Variants in FBN2 observed in about 807,000 individuals in gnomAD.
The protein encoded by FBN2 is fibrillin-2.
FBN2 carries 105 observed loss-of-function variants against 355.6 expected under a neutral mutation model. The ratio of observed to expected loss-of-function variants is 0.30; its 90% CI spans 0.25 to 0.35. The LOEUF (loss-of-function observed/expected upper bound fraction) is 0.35, where lower values mean the gene tolerates loss of function less well. Ranked by LOEUF, FBN2 falls within the 10% of genes least tolerant of loss-of-function variation. FBN2 has a pLI of 1.00. For synonymous variants in FBN2, 1,350 were observed against 1,301.2 expected (o/e 1.04, Z -0.81); for missense variants, 3,280 against 3,758.7 (o/e 0.87, Z 3.33).
rs897031726 is a variant in FBN2 at position 128,520,255 on chromosome 5, G to A, written c.533-887C>T. 2.6e-5 allele frequency among the ~76,000 whole-genome samples: 4 copies of A among 152,232 alleles called. 1 individual carries two copies. The highest frequency in any genetic ancestry group is 9.6e-5 in the African/African-American group (4 of 41,538). ...CACTGCAACTCGGTTCAGCCTAAAAGATCACACTCTCTAGAATCCTTGGAA... is the reference window on the plus strand; with the variant it reads ...CACTGCAACTCGGTTCAGCCTAAAAAATCACACTCTCTAGAATCCTTGGAA... On this transcript the variant is annotated intron_variant, in intron 4 of 64. Transcript: ENST00000262464.
chr5:128,288,394 T>A, intron 53 of FBN2, 44 bp downstream of exon 53: 1 of 1,604,852 alleles, frequency 6.2e-7, no homozygotes, highest in East Asian at 2.2e-5. Flanking sequence ...AAAAAACACT[T>A]TCTATGTCAA....
intron 61 of FBN2, among the ~76,000 whole-genome samples, chr5:128,273,562 A>C (rs1380189352): frequency 6.6e-6 from 1 of 152,144 alleles, no homozygotes; most frequent in African/African-American, 2.4e-5. Context: ...TTAGGCACAG[A>C]ATTCTTTTTC....
intron 6 of FBN2, among the ~76,000 whole-genome samples, chr5:128,451,260 AT>A (rs1754236295): frequency 6.6e-6 from 1 of 152,214 alleles, no homozygotes; most frequent in Admixed American, 6.5e-5. Flanking sequence ...TTTGTACTGA[AT>A]TAAAGTAGAT....
In FBN2 at chr5:128,408,662, T is replaced by C. The variant is rs769211487; in HGVS notation, c.1078+12A>G. ...GACCCAGTGTATTGAGCCTTCAAAA[T>C]GCGAGGCTTACCGATGCATCGAGAG... On this transcript the variant is annotated intron_variant, in intron 8 of 64. Coordinates refer to ENST00000262464, the MANE Select transcript of FBN2 (RefSeq NM_001999.4). 3.1e-6 allele frequency: 5 copies of C among 1,613,930 alleles called. No homozygotes were observed. Among genetic ancestry groups the C allele is most frequent in the East Asian group, 2.2e-5 (1 of 44,850 alleles).
chr5:128,318,795 C>G, intron 35 of FBN2, 84 bp downstream of exon 35: 2 of 1,437,890 alleles, frequency 1.4e-6, no homozygotes, highest in Admixed American at 1.7e-5. Context: ...ATTAGCTAAG[C>G]AGAAATCTCA....
intron 62 of FBN2, among the ~76,000 whole-genome samples, chr5:128,265,484 G>A (rs1005353261): frequency 6.6e-6 from 1 of 152,062 alleles, no homozygotes; most frequent in African/African-American, 2.4e-5. Flanking sequence ...ATATGTTCCT[G>A]TCTGACACAT....
In FBN2 at chr5:128,537,726, G is replaced by T; in HGVS notation, c.-123C>A. The T allele has an allele frequency of 1.1e-6, 1 of 949,252 alleles. No individual in the cohort carries two copies. The highest frequency in any genetic ancestry group is 1.6e-6 in the Non-Finnish European group (1 of 618,768). The allele number at this position is 949,252 out of a possible 1,614,324, so 58.8% of individuals were successfully genotyped here. ...CTTCGTCGGCTCCGGGGACTCCCTC[G>T]GGCTCGGGCTCCCTGCTCTAGCTGG... On this transcript the variant is annotated 5_prime_UTR_variant, in exon 1 of 65. Coordinates refer to ENST00000262464, the MANE Select transcript of FBN2 (RefSeq NM_001999.4).
intron 41 of FBN2, 91 bp downstream of exon 41, chr5:128,309,156 G>A (rs1033956709): frequency 7.1e-6 from 10 of 1,405,160 alleles, no homozygotes; most frequent in Non-Finnish European, 8.0e-6. Flanking sequence ...AGCATCTCTA[G>A]TTTTAGCATG....
At chr5:128,437,514 T>C (rs768984731) in intron 7 of FBN2, among the ~76,000 whole-genome samples, 3 of 152,170 alleles carry the variant, frequency 2.0e-5, no homozygotes, top group Non-Finnish European at 2.9e-5. Context: ...TACAAAGTGA[T>C]GGTTATATGG....
intron 11 of FBN2, among the ~76,000 whole-genome samples, chr5:128,387,886 T>C (rs1752409215): frequency 1.3e-5 from 2 of 152,118 alleles, no homozygotes; most frequent in African/African-American, 4.8e-5. Flanking sequence ...AATTTAAGTC[T>C]TGAATATCTT....
intron 11 of FBN2, among the ~76,000 whole-genome samples, chr5:128,387,590 A>G (rs1224307471): frequency 6.6e-6 from 1 of 151,824 alleles, no homozygotes; most frequent in East Asian, 1.9e-4. Context: ...TTGATGTGGG[A>G]TTTTAGTGCT....
At chr5:128,429,115 G>C (rs183715157) in intron 7 of FBN2, among the ~76,000 whole-genome samples, 1 of 152,130 alleles carries the variant, frequency 6.6e-6, no homozygotes, top group Non-Finnish European at 1.5e-5. Flanking sequence ...CTCTGGAAAC[G>C]CAGAACAGCC....
Position 128,272,081 on chromosome 5 carries a change from G to A in FBN2, c.7878C>T (p.His2626=), listed in dbSNP as rs587780943. The change falls in exon 62 of 65, where the codon CAC becomes CAT. Residue 2626 remains histidine (H), a synonymous_variant. Transcript: ENST00000262464. ...AGCCACCCAGGATGTTCTGGCAGCC[G>A]TGTTGGCACCTGTGGTTCCCATCAC... ...DECDGNHRCQ[H]GCQNILGGYR... 44 of 1,613,882 alleles carry A rather than the reference G, an allele frequency of 2.7e-5. No homozygotes were observed. Among genetic ancestry groups the A allele is most frequent in the Admixed American group, 8.3e-5 (5 of 59,974 alleles).
At chr5:128,424,839 T>A (rs1204309753) in intron 7 of FBN2, among the ~76,000 whole-genome samples, 1 of 152,184 alleles carries the variant, frequency 6.6e-6, no homozygotes, top group Non-Finnish European at 1.5e-5. Flanking sequence ...TCCATCACAG[T>A]GCTTTTTAAC....
chr5:128,522,716 T>C (rs1250161911), intron 4 of FBN2, among the ~76,000 whole-genome samples: 1 of 152,098 alleles, frequency 6.6e-6, no homozygotes, highest in African/African-American at 2.4e-5. Context: ...AAATGAATTA[T>C]GATGAAAGGT....
At position 128,263,535 on chromosome 5, in the gene FBN2, G is replaced by T. The variant is rs142755118; in HGVS notation, c.8082C>A (p.His2694Gln). ...FSFDQFSSAC[H>Q]DVNECSSSKN... is the part of the protein sequence containing the mutation. ...TGGAGGACGAGCACTCATTCACGTC[G>T]TGGCAGGCACTGGAGAACTGGTCGA... Residue 2694 changes from histidine to glutamine, a missense_variant, in exon 63 of 65, where the codon CAC becomes CAA. Coordinates refer to ENST00000262464, the MANE Select transcript of FBN2 (RefSeq NM_001999.4). 6.6e-4 allele frequency: 1,060 copies of T among 1,613,992 alleles called. 1 individual carries two copies. The highest frequency in any genetic ancestry group is 8.5e-4 in the Non-Finnish European group (1,001 of 1,180,004).
At chr5:128,434,840 T>A (rs993918855) in intron 7 of FBN2, among the ~76,000 whole-genome samples, 3 of 152,008 alleles carry the variant, frequency 2.0e-5, no homozygotes, top group African/African-American at 7.2e-5. Context: ...AATGGCAAAG[T>A]TCAACAAAAT....
intron 50 of FBN2, 80 bp from the exon 51 acceptor site, chr5:128,290,027 TG>T: frequency 3.8e-6 from 3 of 793,690 alleles, no homozygotes; most frequent in Non-Finnish European, 6.7e-6. Flanking sequence ...ACAATATACA[TG>T]AAATTACACT....
chr5:128,335,509 C>T lies in FBN2; in HGVS notation c.3793G>A (p.Glu1265Lys), dbSNP rs776031352. ...GCATAACCCTCACTGCAGCTGCATT[C>T]GTAGCTTCCCTCTGAATTTGTGCAC... ...TQCTNSEGSY[E>K]CSCSEGYALM... Residue 1265 changes from glutamate to lysine, a missense_variant, in exon 29 of 65, where the codon GAA (glutamate) becomes AAA (lysine). By Grantham distance (56) the Glu-to-Lys change is moderately conservative (BLOSUM62 1). Transcript: ENST00000262464. 24 of 1,613,820 alleles carry T rather than the reference C, an allele frequency of 1.5e-5. No homozygotes were observed. The highest frequency in any genetic ancestry group is 1.0e-4 in the Admixed American group (6 of 60,006).
Sources: gnomAD v4.1 joint callset for allele counts (sites outside exome capture counted in the v4.1 genomes callset) on GRCh38, gnomAD v4.1.1 for gene constraint, MANE v1.5 for transcripts, NCBI Gene and HGNC (gene_info 2026-07-23, HGNC 2026-07-21) for gene names.